Variants in CSMD1 observed in about 807,000 individuals in gnomAD.
CSMD1 encodes the protein CUB and sushi domain-containing protein 1.
A neutral mutation model predicts 417.5 loss-of-function variants in CSMD1; 213 were observed. That is an observed-to-expected ratio of 0.51 (90% CI 0.46 to 0.57). CSMD1 has a LOEUF of 0.57. Among genes scored for constraint, CSMD1 ranks in the 20% least tolerant of loss-of-function variants. The pLI is 0.00. For synonymous variants in CSMD1, 2,862 were observed against 1,736.8 expected (o/e 1.65, Z -16.11); for missense variants, 6,923 against 4,529.7 (o/e 1.53, Z -15.17).
At chr8:4,456,588 C>T (rs1232500307) in intron 2 of CSMD1, among the ~76,000 whole-genome samples, 20 of 152,092 alleles carry the variant, frequency 1.3e-4, no homozygotes, top group Admixed American at 1.1e-3. Context: ...CTCACAAACA[C>T]GGCTGTAGGG....
intron 2 of CSMD1, among the ~76,000 whole-genome samples, chr8:4,529,169 TGAGGTACTCTCAGAAGCCATGAG>T (rs1483212128): frequency 6.6e-6 from 1 of 152,190 alleles, no homozygotes; most frequent in Non-Finnish European, 1.5e-5. Flanking sequence ...GGGGGATCCC[TGAGGTACTCTCAGAAGCCATGAG>T]GTCAAAACTC....
intron 3 of CSMD1, among the ~76,000 whole-genome samples, chr8:4,100,034 A>G (rs764723846): frequency 2.0e-5 from 3 of 152,204 alleles, no homozygotes; most frequent in Non-Finnish European, 2.9e-5. Context: ...AAGAAGATAT[A>G]ATGTAATAAC....
intron 3 of CSMD1, among the ~76,000 whole-genome samples, chr8:4,365,326 C>G (rs530684724): frequency 2.0e-5 from 3 of 152,284 alleles, no homozygotes; most frequent in South Asian, 2.1e-4. Flanking sequence ...AACTGTACAA[C>G]TAATTGAAAT....
intron 3 of CSMD1, among the ~76,000 whole-genome samples, chr8:4,049,520 A>G (rs1168437379): frequency 2.0e-5 from 3 of 151,752 alleles, no homozygotes; most frequent in African/African-American, 7.3e-5. Context: ...TGGAATCTAC[A>G]CTTTGGTCTC....
intron 7 of CSMD1, among the ~76,000 whole-genome samples, chr8:3,630,555 TAGAGGA>T (rs1254780198): frequency 2.6e-5 from 4 of 152,094 alleles, no homozygotes; most frequent in Non-Finnish European, 5.9e-5. Flanking sequence ...CAAAGCCAAT[TAGAGGA>T]AGAAGGAGAG....
chr8:3,522,570 G>C (rs1036596806), intron 10 of CSMD1, among the ~76,000 whole-genome samples: 1 of 152,152 alleles, frequency 6.6e-6, no homozygotes, highest in Non-Finnish European at 1.5e-5. Context: ...AATAGAGAAA[G>C]AAATGGGAAC....
chr8:4,381,690 T>C (rs1451301150), intron 3 of CSMD1, among the ~76,000 whole-genome samples: 1 of 152,212 alleles, frequency 6.6e-6, no homozygotes, highest in African/African-American at 2.4e-5. Context: ...GAGAAGCAGA[T>C]GCGTCAACAT....
chr8:3,768,056 G>C (rs1208557984), intron 5 of CSMD1, among the ~76,000 whole-genome samples: 1 of 152,094 alleles, frequency 6.6e-6, no homozygotes, highest in Non-Finnish European at 1.5e-5. Flanking sequence ...TTGACCCCGA[G>C]TATAGACAGC....
intron 1 of CSMD1, among the ~76,000 whole-genome samples, chr8:4,789,729 A>C (rs1797593390): frequency 6.6e-6 from 1 of 152,216 alleles, no homozygotes; most frequent in Non-Finnish European, 1.5e-5. Flanking sequence ...TTGATTGTAT[A>C]GCAATGCTCC....
intron 7 of CSMD1, among the ~76,000 whole-genome samples, chr8:3,621,735 A>C (rs532863019): frequency 1.3e-5 from 2 of 151,224 alleles, no homozygotes; most frequent in East Asian, 3.9e-4. Context: ...GCATGCCACC[A>C]CTCCCAGCTA....
At chr8:3,193,819 A>G (rs1370111163) in intron 33 of CSMD1, among the ~76,000 whole-genome samples, 1 of 152,174 alleles carries the variant, frequency 6.6e-6, no homozygotes, top group African/African-American at 2.4e-5. Flanking sequence ...CTGTCGGGAA[A>G]AGCCGGAAGC....
At chr8:4,013,432 C>T (rs529738342) in intron 4 of CSMD1, among the ~76,000 whole-genome samples, 11 of 152,058 alleles carry the variant, frequency 7.2e-5, no homozygotes, top group African/African-American at 1.2e-4. Context: ...CCAAATATTC[C>T]GGTTTTCTAC....
intron 3 of CSMD1, among the ~76,000 whole-genome samples, chr8:4,282,214 C>T (rs1410923509): frequency 6.6e-6 from 1 of 152,078 alleles, no homozygotes; most frequent in African/African-American, 2.4e-5. Flanking sequence ...TGAAAATAAA[C>T]AGAAACATAA....
intron 3 of CSMD1, among the ~76,000 whole-genome samples, chr8:4,369,283 T>G (rs1201293724): frequency 6.6e-6 from 1 of 152,166 alleles, no homozygotes; most frequent in Non-Finnish European, 1.5e-5. Flanking sequence ...CGACTTCATT[T>G]TTGTTTGTGC....
chr8:4,860,843 T>G (rs1040724487), intron 1 of CSMD1, among the ~76,000 whole-genome samples: 7 of 152,102 alleles, frequency 4.6e-5, no homozygotes, highest in African/African-American at 1.7e-4. Flanking sequence ...GCATAATTAT[T>G]TCTGCGTAAA....
chr8:4,446,350 C>G (rs1413403840), intron 2 of CSMD1, among the ~76,000 whole-genome samples: 1 of 152,096 alleles, frequency 6.6e-6, no homozygotes, highest in African/African-American at 2.4e-5. Context: ...GAGTTTGAAA[C>G]CAGCCTGGGC....
At chr8:4,290,775 C>A (rs909071257) in intron 3 of CSMD1, among the ~76,000 whole-genome samples, 3 of 152,144 alleles carry the variant, frequency 2.0e-5, no homozygotes, top group South Asian at 2.1e-4. Flanking sequence ...TTCTGTAAGT[C>A]TGATTTTTTG....
rs756545953 is a variant in CSMD1, at chr8:3,586,169, C to A, written c.1189G>T (p.Ala397Ser). ...ITCQRVTETL[A>S]AWSDHRPICR... ...ATGGGCCTGTGGTCACTCCAAGCAG[C>A]GAGCGTCTCTGTAACTCTCTGACAG... is the stretch of plus-strand genomic sequence containing the variant. The change falls in exon 9 of 70, where the codon GCT becomes TCT. Residue 397 changes from alanine to serine, a missense_variant. By Grantham distance (99) the Ala-to-Ser change is moderately conservative (BLOSUM62 1). Transcript: ENST00000635120. 2 of 1,612,632 alleles carry A rather than the reference C, an allele frequency of 1.2e-6. No individual in the cohort carries two copies. The highest frequency in any genetic ancestry group is 1.7e-6 in the Non-Finnish European group (2 of 1,179,396).
At chr8:3,962,639 G>C (rs112132460) in intron 5 of CSMD1, among the ~76,000 whole-genome samples, 21 of 152,264 alleles carry the variant, frequency 1.4e-4, no homozygotes, top group African/African-American at 5.1e-4. Context: ...GGAGAGCATG[G>C]ACATTCAATT....
Sources: allele counts gnomAD v4.1 joint callset (sites outside exome capture counted in the v4.1 genomes callset), GRCh38; gene constraint gnomAD v4.1.1; transcripts MANE v1.5; gene names NCBI Gene and HGNC (gene_info 2026-07-23, HGNC 2026-07-21).